PTPRB: variants seen among roughly 807,000 people sequenced by gnomAD.
The protein encoded by PTPRB is protein tyrosine phosphatase receptor type B.
A neutral mutation model predicts 238.1 loss-of-function variants in PTPRB; 97 were observed. The observed-to-expected ratio is 0.41, with a 90% CI of 0.35 to 0.48. The LOEUF (loss-of-function observed/expected upper bound fraction) is 0.48, where lower values mean the gene tolerates loss of function less well. Among genes scored for constraint, PTPRB ranks in the 20% least tolerant of loss-of-function variants. PTPRB has a pLI of 0.30. For synonymous variants in PTPRB, 970 were observed against 995.4 expected (o/e 0.97, Z 0.48); for missense variants, 2,292 against 2,681.9 (o/e 0.85, Z 3.21).
intron 9 of PTPRB, among the ~76,000 whole-genome samples, chr12:70,584,025 A>G (rs1881638869): frequency 6.6e-6 from 1 of 152,194 alleles, no homozygotes; most frequent in Admixed American, 6.5e-5. Flanking sequence ...GTTAATTTGC[A>G]TATAACAATA....
intron 32 of PTPRB, among the ~76,000 whole-genome samples, chr12:70,530,943 G>A (rs1873138937): frequency 6.6e-6 from 1 of 152,212 alleles, no homozygotes; most frequent in African/African-American, 2.4e-5. Context: ...TAGAATCATT[G>A]TTATAATGAA....
intron 1 of PTPRB, among the ~76,000 whole-genome samples, chr12:70,636,483 C>T (rs916084370): frequency 1.3e-5 from 2 of 152,068 alleles, no homozygotes; most frequent in Admixed American, 6.6e-5. Flanking sequence ...AAGCTTCCTC[C>T]CTTACCTTAA....
intron 4 of PTPRB, among the ~76,000 whole-genome samples, chr12:70,604,100 G>C (rs1883744090): frequency 6.6e-6 from 1 of 152,072 alleles, no homozygotes; most frequent in Non-Finnish European, 1.5e-5. Flanking sequence ...AACTAGCTGG[G>C]TGTGGTATTG....
At chr12:70,570,412 TTA>T (rs1323263618) in intron 13 of PTPRB, among the ~76,000 whole-genome samples, 1 of 152,130 alleles carries the variant, frequency 6.6e-6, no homozygotes, top group African/African-American at 2.4e-5. Flanking sequence ...AATGGCATGA[TTA>T]TGGCTCACTG....
chr12:70,572,615 A>G (rs1880200699), intron 11 of PTPRB, among the ~76,000 whole-genome samples: 1 of 151,922 alleles, frequency 6.6e-6, no homozygotes, highest in South Asian at 2.1e-4. Context: ...TAAAAAATAC[A>G]AAAATTAGCT....
chr12:70,557,319 ACTT>A (rs142146964), intron 18 of PTPRB, among the ~76,000 whole-genome samples: 30,278 of 152,104 alleles, frequency 0.2, 3,150 homozygotes, highest in South Asian at 0.3. Context: ...TTCTATTTAA[ACTT>A]CTGCTATTTT....
rs558188157 is a variant in PTPRB, at chr12:70,560,438, C to G, written c.4432+233G>C. Among the ~76,000 whole-genome samples the G allele has an allele frequency of 5.4e-4, 82 of 152,242 alleles. No homozygotes were observed. The highest frequency in any genetic ancestry group is 1.9e-3 in the African/African-American group (80 of 41,542). On this transcript the variant is annotated intron_variant, in intron 17 of 33. Coordinates refer to ENST00000334414, the MANE Select transcript of PTPRB (RefSeq NM_001109754.4). This position sits in a 1 kb window ranked among gnomAD's most constrained non-coding sequence, Gnocchi z 4.2. Reference sequence around the variant, plus strand: ...CACTTTGCAGATAAGAAAACTGAGGCCTAGAGATGCTCAATGACTTGCCCA... The same window carrying G: ...CACTTTGCAGATAAGAAAACTGAGGGCTAGAGATGCTCAATGACTTGCCCA...
intron 21 of PTPRB, among the ~76,000 whole-genome samples, chr12:70,549,136 A>C (rs1300173314): frequency 1.3e-5 from 2 of 152,252 alleles, no homozygotes; most frequent in East Asian, 3.8e-4. Flanking sequence ...TAAGGCAATA[A>C]AATGTGCTGA....
At chr12:70,529,206 G>GAGTT (rs1375478402) in intron 32 of PTPRB, among the ~76,000 whole-genome samples, 6 of 152,242 alleles carry the variant, frequency 3.9e-5, no homozygotes, top group Middle Eastern at 3.4e-3. Flanking sequence ...GGAAAAGATG[G>GAGTT]AGTTATTTCT....
At chr12:70,585,312 C>A (rs1469691421) in intron 9 of PTPRB, 1 of 152,140 alleles carries the variant, frequency 6.6e-6, no homozygotes, top group African/African-American at 2.4e-5. Flanking sequence ...AAAATGAAAG[C>A]AATTAGAAGA....
intron 20 of PTPRB, among the ~76,000 whole-genome samples, chr12:70,554,799 C>G (rs544638836): frequency 2.0e-5 from 3 of 152,074 alleles, no homozygotes; most frequent in African/African-American, 7.2e-5. Context: ...GAGTAGTGAA[C>G]AAGACTGACC....
chr12:70,545,760 A>C (rs1875862713), intron 21 of PTPRB, among the ~76,000 whole-genome samples: 1 of 152,200 alleles, frequency 6.6e-6, no homozygotes, highest in African/African-American at 2.4e-5. Flanking sequence ...TGGGGCCCAG[A>C]CTGAAGAGAA....
chr12:70,529,957 A>C (rs796509793), intron 32 of PTPRB, among the ~76,000 whole-genome samples: 7 of 109,638 alleles, frequency 6.4e-5, no homozygotes, highest in African/African-American at 2.0e-4. Context: ...GGAGTAGAGG[A>C]AAAATCCATG....
Position 70,534,474 on chromosome 12 carries a change from A to C in PTPRB, c.6368+14T>G. On this transcript the variant is annotated intron_variant, in intron 31 of 33. Transcript: ENST00000334414. ...TATGGCTGCCATTTTATTGGCTGCT[A>C]GGTTTCCTAGTACCTGCAGTGCACC... is the stretch of plus-strand genomic sequence containing the variant. 1 of 1,609,448 alleles carries C rather than the reference A, an allele frequency of 6.2e-7. No homozygotes were observed. The highest frequency in any genetic ancestry group is 2.0e-4 in the Middle Eastern group (1 of 4,896).
At chr12:70,563,252 C>T in intron 15 of PTPRB, 145 bp from the exon 16 acceptor site, 1 of 924,786 alleles carries the variant, frequency 1.1e-6, no homozygotes, top group Non-Finnish European at 1.6e-6. Flanking sequence ...GCCAAAAGCA[C>T]TTTACAAAAA....
chr12:70,577,136 G>A (rs1303499534), intron 10 of PTPRB, among the ~76,000 whole-genome samples: 1 of 152,136 alleles, frequency 6.6e-6, no homozygotes, highest in Non-Finnish European at 1.5e-5. Context: ...TTTTTGTGAT[G>A]AAGTTATTCA....
At chr12:70,570,022 G>A (rs1210839559) in intron 13 of PTPRB, 84 bp from the exon 14 acceptor site, 1 of 1,291,664 alleles carries the variant, frequency 7.7e-7, no homozygotes, top group African/African-American at 1.5e-5. Flanking sequence ...TGCTTCTGAT[G>A]TTTTGGCACC....
chr12:70,555,438 G>T, intron 19 of PTPRB, 129 bp from the exon 20 acceptor site: 1 of 874,972 alleles, frequency 1.1e-6, no homozygotes, highest in Non-Finnish European at 1.7e-6. Flanking sequence ...GTGTGCCTGT[G>T]TTTAATGCTG....
Position 70,555,909 on chromosome 12 carries a change from T to C in PTPRB, c.4954A>G (p.Ser1652Gly), listed in dbSNP as rs1877596866. 1 of 1,613,384 alleles carries C rather than the reference T, an allele frequency of 6.2e-7. No individual in the cohort carries two copies. Among genetic ancestry groups the C allele is most frequent in the Non-Finnish European group, 8.5e-7 (1 of 1,179,900 alleles). The change falls in exon 19 of 34, where the codon AGC (serine) becomes GGC (glycine). Residue 1652 changes from serine to glycine, a missense_variant. Ser to Gly is a moderately conservative substitution (Grantham distance 56). Transcript: ENST00000334414. ...SIKVQSAGMT[S>G]EVVEDSTITM... ...ATAGTGCTGTCTTCAACCACCTCGC[T>C]GGTCATGCCGGCCGACTGCACTTTG...
Sources: gnomAD v4.1 joint callset for allele counts (sites outside exome capture counted in the v4.1 genomes callset) on GRCh38, gnomAD v4.1.1 for gene constraint, Gnocchi (gnomAD v3.1) non-coding constraint, MANE v1.5 for transcripts, NCBI Gene and HGNC (gene_info 2026-07-23, HGNC 2026-07-21) for gene names.